Variants in SHPRH observed in about 807,000 individuals in gnomAD.
SHPRH encodes the protein E3 ubiquitin-protein ligase SHPRH.
In SHPRH, 106 loss-of-function variants were observed where a neutral mutation model predicts 202.5. The ratio of observed to expected loss-of-function variants is 0.52; its 90% CI spans 0.45 to 0.62. The LOEUF (loss-of-function observed/expected upper bound fraction) is 0.62. SHPRH is among the 20% of genes least tolerant of loss of function. SHPRH has a pLI of 0.00. For synonymous variants in SHPRH, 729 were observed against 686.0 expected (o/e 1.06, Z -0.98); for missense variants, 1,710 against 2,020.0 (o/e 0.85, Z 2.94).
chr6:145,943,009 CTTTGA>C (rs1473979283), intron 9 of SHPRH, 129 bp downstream of exon 9: 13 of 1,062,696 alleles, frequency 1.2e-5, no homozygotes, highest in Middle Eastern at 2.1e-4. Flanking sequence ...TTTCTTTAAG[CTTTGA>C]TTTAACATTA....
chr6:145,892,006 G>A (rs2128714110), intron 28 of SHPRH, among the ~76,000 whole-genome samples: 1 of 152,196 alleles, frequency 6.6e-6, no homozygotes, highest in South Asian at 2.1e-4. Context: ...CAGTTACTTT[G>A]CCCTATTTGT....
At chr6:145,920,277 A>C (rs1327174797) in intron 21 of SHPRH, among the ~76,000 whole-genome samples, 2 of 152,092 alleles carry the variant, frequency 1.3e-5, no homozygotes, top group Non-Finnish European at 2.9e-5. Context: ...TCTTCTGGAC[A>C]AAGGGTATGT....
intron 8 of SHPRH, among the ~76,000 whole-genome samples, chr6:145,944,440 G>A (rs890090120): frequency 1.2e-4 from 19 of 152,212 alleles, no homozygotes; most frequent in African/African-American, 4.6e-4. Context: ...ACAACATAGT[G>A]GGAGTATGAT....
chr6:145,910,372 T>C, intron 25 of SHPRH, 76 bp downstream of exon 25: 1 of 1,502,920 alleles, frequency 6.7e-7, no homozygotes, highest in Non-Finnish European at 9.1e-7. Context: ...CTGATGTTCA[T>C]GCTTTCTTAA....
intron 16 of SHPRH, among the ~76,000 whole-genome samples, chr6:145,925,063 G>A (rs1784741668): frequency 6.6e-6 from 1 of 150,568 alleles, no homozygotes; most frequent in Non-Finnish European, 1.5e-5. Flanking sequence ...CAAAATTTCA[G>A]AAACACCGAA....
chr6:145,926,728 T>A (rs1198472566), intron 15 of SHPRH, among the ~76,000 whole-genome samples: 1 of 151,834 alleles, frequency 6.6e-6, no homozygotes, highest in African/African-American at 2.4e-5. Context: ...TCTATATGAG[T>A]CAATGACAGA....
intron 13 of SHPRH, 151 bp from the exon 14 acceptor site, chr6:145,933,329 AT>A (rs1785677172): frequency 9.1e-7 from 1 of 1,104,152 alleles, no homozygotes; most frequent in South Asian, 1.8e-5. Context: ...TTTTACCATT[AT>A]TTTTTCCCAC....
At chr6:145,939,434 TTTG>T (rs1213506482) in intron 11 of SHPRH, among the ~76,000 whole-genome samples, 12 of 152,206 alleles carry the variant, frequency 7.9e-5, no homozygotes, top group Non-Finnish European at 1.8e-4. Context: ...AAATTAGGAA[TTTG>T]TTGAATGGTG....
In SHPRH at chr6:145,955,052, T is replaced by A; in HGVS notation, c.271A>T (p.Ile91Phe). 6.2e-7 allele frequency: 1 copy of A among 1,613,210 alleles called. No individual in the cohort carries two copies. The highest frequency in any genetic ancestry group is 8.5e-7 in the Non-Finnish European group (1 of 1,179,930). Residue 91 changes from isoleucine (I) to phenylalanine (F), a missense_variant, in exon 2 of 30, where the codon ATT becomes TTT. Around this residue, in one of 8 missense-constraint regions of SHPRH, gnomAD observed 459 missense variants for 426.5 expected, o/e 1.08. Transcript: ENST00000275233. ...KPIEKEETVG[I>F]FSPLSVKLNI... is the part of the protein sequence containing the mutation. ...AACTTTACAGACAAAGGGGAAAAAATACCAACAGTCTCTTCTTTTTCAATT... is the reference window on the plus strand; with the variant it reads ...AACTTTACAGACAAAGGGGAAAAAAAACCAACAGTCTCTTCTTTTTCAATT...
chr6:145,933,304 T>C, intron 13 of SHPRH, 126 bp from the exon 14 acceptor site: 1 of 1,364,856 alleles, frequency 7.3e-7, no homozygotes, highest in South Asian at 1.6e-5. Flanking sequence ...CTCTAGCATT[T>C]TTTTTCGCCT....
At chr6:145,906,556 A>T (rs898678474) in intron 25 of SHPRH, 1 of 152,154 alleles carries the variant, frequency 6.6e-6, no homozygotes. Context: ...TGTATTACAA[A>T]TTATCCTTTC....
intron 2 of SHPRH, among the ~76,000 whole-genome samples, chr6:145,867,626 A>G (rs1779845786): frequency 1.2e-5 from 1 of 83,484 alleles, no homozygotes; most frequent in African/African-American, 6.0e-5. Flanking sequence ...ATATATATAT[A>G]TATATAGAGA....
intron 23 of SHPRH, among the ~76,000 whole-genome samples, chr6:145,916,816 T>C (rs1469180607): frequency 6.6e-6 from 1 of 152,092 alleles, no homozygotes; most frequent in Non-Finnish European, 1.5e-5. Flanking sequence ...GGAATCTCGC[T>C]CTGTCGCCTA....
chr6:145,926,325 G>A (rs781382131), intron 15 of SHPRH, 29 bp from the exon 16 acceptor site: 1 of 1,582,278 alleles, frequency 6.3e-7, no homozygotes, highest in Non-Finnish European at 8.7e-7. Context: ...CAGTAATTAT[G>A]ACAGTCAATG....
chr6:145,945,811 T>C (rs1787311911), intron 7 of SHPRH, among the ~76,000 whole-genome samples, 174 bp from the exon 8 acceptor site: 1 of 152,106 alleles, frequency 6.6e-6, no homozygotes, highest in South Asian at 2.1e-4. Context: ...CTCAGCATAT[T>C]AAGAAACAAA....
intron 2 of SHPRH, chr6:145,877,039 T>C (rs1262570357): frequency 4.6e-5 from 7 of 152,234 alleles, no homozygotes; most frequent in Admixed American, 2.0e-4. Context: ...TATTTTGTTA[T>C]GGCAGCTCTA....
intron 1 of SHPRH, among the ~76,000 whole-genome samples, chr6:145,956,259 T>A (rs1438853077): frequency 6.6e-6 from 1 of 151,690 alleles, no homozygotes; most frequent in African/African-American, 2.4e-5. Context: ...TTTGAAAAAA[T>A]CATGCATGAA....
intron 15 of SHPRH, among the ~76,000 whole-genome samples, chr6:145,926,904 G>A (rs1784932386): frequency 6.6e-6 from 1 of 151,876 alleles, no homozygotes; most frequent in Non-Finnish European, 1.5e-5. Flanking sequence ...TGATAAAACT[G>A]ACCTACTCTT....
At chr6:145,888,685 T>C (rs1781323081) in intron 28 of SHPRH, among the ~76,000 whole-genome samples, 1 of 152,146 alleles carries the variant, frequency 6.6e-6, no homozygotes, top group Non-Finnish European at 1.5e-5. Flanking sequence ...TATACCTGAC[T>C]GTACTTTAGA....
Sources: allele counts gnomAD v4.1 joint callset (sites outside exome capture counted in the v4.1 genomes callset), GRCh38; gene constraint gnomAD v4.1.1; regional missense constraint gnomAD v4.1.1; transcripts MANE v1.5; gene names NCBI Gene and HGNC (gene_info 2026-07-23, HGNC 2026-07-21).